PLK4: variants seen among roughly 807,000 people sequenced by gnomAD.
PLK4 encodes the protein serine/threonine-protein kinase PLK4.
A neutral mutation model predicts 103.0 loss-of-function variants in PLK4; 51 were observed. The observed-to-expected ratio is 0.50, with a 90% CI of 0.40 to 0.63. The LOEUF is 0.63. Ranked by LOEUF, PLK4 falls within the 20% of genes least tolerant of loss-of-function variation. The pLI is 0.00. For missense variants in PLK4, 1,054 were observed against 1,151.0 expected (o/e 0.92, Z 1.22); for synonymous variants, 389 against 376.8 (o/e 1.03, Z -0.38).
At chr4:127,883,961 C>A (rs1324455404) in intron 4 of PLK4, among the ~76,000 whole-genome samples, 1 of 152,194 alleles carries the variant, frequency 6.6e-6, no homozygotes, top group Non-Finnish European at 1.5e-5. Context: ...GTCCCCTGAA[C>A]TTAACACTCA....
Position 127,886,513 on chromosome 4 carries a change from A to C in PLK4, c.1143A>C (p.Arg381Ser). Reference protein sequence around the residue: ...RYLRRAYSSDRSGTSNSQSQA... With the variant: ...RYLRRAYSSDSSGTSNSQSQA... Reference sequence around the variant, plus strand: ...TTCGTAGAGCTTATTCCTCTGATAGATCTGGCACTTCTAATAGTCAGTCTC... The same window carrying C: ...TTCGTAGAGCTTATTCCTCTGATAGCTCTGGCACTTCTAATAGTCAGTCTC... The change falls in exon 5 of 16, where the codon AGA (arginine) becomes AGC (serine). Residue 381 changes from arginine (R) to serine (S), a missense_variant. Transcript: ENST00000270861. 6.2e-7 allele frequency: 1 copy of C among 1,613,896 alleles called. No individual in the cohort carries two copies. The highest frequency in any genetic ancestry group is 8.5e-7 in the Non-Finnish European group (1 of 1,179,764).
intron 8 of PLK4, 49 bp from the exon 9 acceptor site, chr4:127,891,530 C>A (rs1414269653): frequency 1.4e-6 from 1 of 737,116 alleles, no homozygotes; most frequent in Non-Finnish European, 2.3e-6. Context: ...AGATATAGTA[C>A]TGGAACTTAA....
chr4:127,890,415 C>G (rs1158623703), intron 7 of PLK4, among the ~76,000 whole-genome samples, 179 bp downstream of exon 7: 1 of 151,146 alleles, frequency 6.6e-6, no homozygotes, highest in African/African-American at 2.5e-5. Context: ...TTCCCTCTAT[C>G]TTCTTAATTA....
chr4:127,892,543 T>TTCC, intron 10 of PLK4, 29 bp downstream of exon 10: 1 of 1,572,372 alleles, frequency 6.4e-7, no homozygotes. Context: ...TGGTAATTTG[T>TTCC]TCCTTTAGTT....
chr4:127,891,134 A>C lies in PLK4; in HGVS notation c.1873A>C (p.Lys625Gln), dbSNP rs2148821509. 1 of 1,601,426 alleles carries C rather than the reference A, an allele frequency of 6.2e-7. No homozygotes were observed. The highest frequency in any genetic ancestry group is 1.3e-5 in the African/African-American group (1 of 74,536). The change falls in exon 8 of 16, where the codon AAG (lysine) becomes CAG (glutamine). Residue 625 changes from lysine (K) to glutamine (Q), a missense_variant. Transcript: ENST00000270861. ...DSEEVCVELV[K>Q]EYASQEYVKE... ...AGAGGAGGTGTGTGTGGAGCTTGTA[A>C]AGGAGTATGCATCTCAAGAATATGT...
At chr4:127,892,797 G>A (rs1428802949) in intron 10 of PLK4, 2 of 250,060 alleles carry the variant, frequency 8.0e-6, no homozygotes, top group Non-Finnish European at 1.5e-5. Context: ...CACATGAAAT[G>A]CGCAATGTCC....
chr4:127,889,005 T>A (rs1735250684), intron 6 of PLK4, among the ~76,000 whole-genome samples: 4 of 152,214 alleles, frequency 2.6e-5, no homozygotes, highest in Admixed American at 2.6e-4. Flanking sequence ...ACATCTGTTG[T>A]GTTTACAGAT....
At position 127,896,817 on chromosome 4, in the gene PLK4, T is replaced by G. The variant is rs1735583658; in HGVS notation, c.2720T>G (p.Val907Gly). 1 of 1,607,594 alleles carries G rather than the reference T, an allele frequency of 6.2e-7. No individual in the cohort carries two copies. Among genetic ancestry groups the G allele is most frequent in the East Asian group, 2.2e-5 (1 of 44,718 alleles). ...TTTTTCTAGTTAACTAGTGGAGCTG[T>G]GTGGGTTCAGTTTAATGATGGGTCC... ...GWATQLTSGA[V>G]WVQFNDGSQL... Residue 907 changes from valine to glycine, a missense_variant, in exon 15 of 16, where the codon GTG (valine) becomes GGG (glycine). By Grantham distance (109) the Val-to-Gly change is moderately radical. Around this residue, in one of 4 missense-constraint regions of PLK4, gnomAD observed 167 missense variants for 200.7 expected, o/e 0.83. Transcript: ENST00000270861.
chr4:127,893,657 G>A (rs1346742637), intron 12 of PLK4, 53 bp downstream of exon 12: 2 of 1,583,340 alleles, frequency 1.3e-6, no homozygotes, highest in African/African-American at 2.7e-5. Context: ...AAAGTTTGAT[G>A]TTTATATTAT....
intron 7 of PLK4, 49 bp downstream of exon 7, chr4:127,890,285 T>A (rs1560697363): frequency 6.9e-7 from 1 of 1,450,420 alleles, no homozygotes; most frequent in Admixed American, 2.2e-5. Context: ...TACTTGAGAA[T>A]ACAATTCTTG....
Position 127,891,036 on chromosome 4 carries a change from A to G in PLK4, c.1831-56A>G, listed in dbSNP as rs1735335151. ...TACTCCTAAGTATTATGTATGTCAGAGCTGTTCTAGTAAACAAAAGAATTA... is the reference window on the plus strand; with the variant it reads ...TACTCCTAAGTATTATGTATGTCAGGGCTGTTCTAGTAAACAAAAGAATTA... On this transcript the variant is annotated intron_variant, in intron 7 of 15. Coordinates refer to ENST00000270861, the MANE Select transcript of PLK4 (RefSeq NM_014264.5). 3.9e-5 allele frequency: 36 copies of G among 932,434 alleles called. No individual in the cohort carries two copies. In the South Asian group the frequency reaches 5.0e-4, roughly 13 times the overall value. The allele number at this position is 932,434 out of a possible 1,614,324, so 57.8% of individuals were successfully genotyped here.
At chr4:127,891,899 T>C (rs1391586294) in intron 9 of PLK4, 1 of 290,236 alleles carries the variant, frequency 3.4e-6, no homozygotes, top group African/African-American at 2.2e-5. Flanking sequence ...ATTTAAAAAC[T>C]AACTCTAGAA....
chr4:127,881,804 A>T, intron 1 of PLK4, 27 bp from the exon 2 acceptor site: 1 of 1,289,570 alleles, frequency 7.8e-7, no homozygotes, highest in Non-Finnish European at 1.1e-6. Flanking sequence ...GAGTCATCAC[A>T]CATAATCTTT....
intron 14 of PLK4, among the ~76,000 whole-genome samples, chr4:127,895,631 C>T (rs1382291526): frequency 1.3e-5 from 2 of 151,778 alleles, no homozygotes; most frequent in Non-Finnish European, 2.9e-5. Flanking sequence ...CCATGTTAGC[C>T]AGGATGGTCT....
chr4:127,891,890 T>C, intron 9 of PLK4: 1 of 301,840 alleles, frequency 3.3e-6, no homozygotes, highest in Non-Finnish European at 6.0e-6. Context: ...CTATATTCTA[T>C]TTAAAAACTA....
chr4:127,889,595 T>A (rs1045150391), intron 6 of PLK4, among the ~76,000 whole-genome samples: 6 of 152,208 alleles, frequency 3.9e-5, no homozygotes, highest in Non-Finnish European at 8.8e-5. Flanking sequence ...AGTTTTTGCC[T>A]TAATTGAAAA....
intron 6 of PLK4, among the ~76,000 whole-genome samples, chr4:127,889,191 T>G (rs1279025134): frequency 6.6e-6 from 1 of 152,090 alleles, no homozygotes; most frequent in Non-Finnish European, 1.5e-5. Flanking sequence ...TAATTCAAAT[T>G]TTTAGTTTAG....
At chr4:127,884,215 A>G (rs1045400755) in intron 4 of PLK4, among the ~76,000 whole-genome samples, 2 of 152,216 alleles carry the variant, frequency 1.3e-5, no homozygotes, top group African/African-American at 4.8e-5. Context: ...AGCAGAACCA[A>G]ATAAGGTCTA....
chr4:127,897,943 G>A (rs1477854195), intron 15 of PLK4, among the ~76,000 whole-genome samples: 1 of 140,100 alleles, frequency 7.1e-6, no homozygotes, highest in Admixed American at 7.8e-5. Flanking sequence ...GGTTCAAGCA[G>A]TTCTCCTGCC....
Sources: allele counts gnomAD v4.1 joint callset (sites outside exome capture counted in the v4.1 genomes callset), GRCh38; gene constraint gnomAD v4.1.1; regional missense constraint gnomAD v4.1.1; transcripts MANE v1.5; gene names NCBI Gene and HGNC (gene_info 2026-07-23, HGNC 2026-07-21).